Variants in ALK observed in about 807,000 individuals in gnomAD.
ALK encodes the protein ALK receptor tyrosine kinase, also known as ALK tyrosine kinase receptor.
A neutral mutation model predicts 163.1 loss-of-function variants in ALK; 74 were observed. The ratio of observed to expected loss-of-function variants is 0.45; its 90% confidence interval spans 0.38 to 0.55. The LOEUF is 0.55. Ranked by LOEUF, ALK falls within the 20% of genes least tolerant of loss-of-function variation. ALK has a pLI of 0.00. For missense variants in ALK, 2,063 were observed against 2,105.3 expected (o/e 0.98, Z 0.39); for synonymous variants, 960 against 843.2 (o/e 1.14, Z -2.40).
intron 5 of ALK, among the ~76,000 whole-genome samples, chr2:29,338,580 G>T (rs754654964): frequency 6.6e-6 from 1 of 152,170 alleles, no homozygotes; most frequent in African/African-American, 2.4e-5. Flanking sequence ...AGAAAGACAC[G>T]CATCTCCCTC....
chr2:29,512,728 T>A (rs1311573501), intron 4 of ALK, among the ~76,000 whole-genome samples: 1 of 149,762 alleles, frequency 6.7e-6, no homozygotes, highest in African/African-American at 2.5e-5. Context: ...GCAGACGACA[T>A]GATTGTATAT....
chr2:29,281,000 G>A (rs181012623), intron 9 of ALK, among the ~76,000 whole-genome samples: 9 of 152,104 alleles, frequency 5.9e-5, no homozygotes, highest in African/African-American at 2.2e-4. Context: ...TGTACCAGGT[G>A]ATCCATTCTG....
intron 2 of ALK, among the ~76,000 whole-genome samples, chr2:29,708,228 C>T (rs1438026431): frequency 2.6e-5 from 4 of 152,056 alleles, no homozygotes; most frequent in Non-Finnish European, 5.9e-5. Flanking sequence ...CCACCATGCC[C>T]GGCTAATTTT....
intron 11 of ALK, 111 bp downstream of exon 11, chr2:29,274,988 G>C (rs552484612): frequency 7.1e-7 from 1 of 1,413,640 alleles, no homozygotes; most frequent in South Asian, 1.2e-5. Flanking sequence ...TCCTTCTAAA[G>C]ACTGTTTCAT....
rs1301115684 is a variant in ALK, at chr2:29,375,319, TTTTA to T, written c.1282+8409_1282+8412del. On this transcript the variant is annotated intron_variant, in intron 5 of 28. Transcript: ENST00000389048. ...TATCCCTATTTTATTTTATTTTTAT[TTTTA>T]TTTATTTATTTTTTTGAGACGGAGT... is the stretch of plus-strand genomic sequence containing the variant. Among the ~76,000 whole-genome samples, 12 of 152,230 alleles carry T rather than the reference TTTTA, an allele frequency of 7.9e-5. No individual in the cohort carries two copies. In the East Asian group the frequency reaches 1.5e-3, roughly 20 times the overall value.
chr2:29,587,931 T>C (rs1385758423), intron 3 of ALK, among the ~76,000 whole-genome samples: 1 of 152,138 alleles, frequency 6.6e-6, no homozygotes, highest in Non-Finnish European at 1.5e-5. Context: ...AGGCCAACTT[T>C]CCCTGCATCT....
At chr2:29,539,898 C>T (rs1673367821) in intron 3 of ALK, among the ~76,000 whole-genome samples, 1 of 152,054 alleles carries the variant, frequency 6.6e-6, no homozygotes, top group Non-Finnish European at 1.5e-5. Flanking sequence ...AAAATTAAAA[C>T]ATTTAGTTTT....
intron 9 of ALK, among the ~76,000 whole-genome samples, chr2:29,288,566 A>T (rs1472411598): frequency 2.6e-5 from 4 of 152,198 alleles, no homozygotes; most frequent in African/African-American, 9.6e-5. Context: ...GTGTGATAAC[A>T]CCTGCTGCCT....
Position 29,920,841 on chromosome 2 carries a change from G to A in ALK, c.-182C>T. The A allele has an allele frequency of 1.6e-6, 1 of 619,066 alleles. No homozygotes were observed. 38.3% of individuals were successfully genotyped at this position (619,066 alleles called of 1,614,324 possible). ...CCCAACTGCACGGAGGCGAGCAGGA[G>A]TCTAAATGAAACAGACCTGGAAGCT... On this transcript the variant is annotated 5_prime_UTR_variant, in exon 1 of 29. Coordinates refer to ENST00000389048, the MANE Select transcript of ALK (RefSeq NM_004304.5).
At chr2:29,396,859 T>TTTTTTTTTC in intron 4 of ALK, among the ~76,000 whole-genome samples, 1 of 146,554 alleles carries the variant, frequency 6.8e-6, no homozygotes, top group Admixed American at 6.9e-5. Context: ...TTTTTTTTTT[T>TTTTTTTTTC]TGCTACTTGG....
intron 1 of ALK, among the ~76,000 whole-genome samples, chr2:29,764,759 T>C (rs1372125557): frequency 6.6e-6 from 1 of 152,238 alleles, no homozygotes; most frequent in Non-Finnish European, 1.5e-5. Flanking sequence ...TGCTATATCA[T>C]GTTAAAATCC....
At chr2:29,292,961 A>G (rs958363869) in intron 9 of ALK, among the ~76,000 whole-genome samples, 3 of 152,306 alleles carry the variant, frequency 2.0e-5, no homozygotes, top group South Asian at 2.1e-4. Context: ...GCACAACTCT[A>G]GTTCTCTCTA....
intron 1 of ALK, among the ~76,000 whole-genome samples, chr2:29,825,892 G>A (rs554559883): frequency 6.6e-6 from 1 of 152,180 alleles, no homozygotes; most frequent in Admixed American, 6.5e-5. Context: ...CAACAAAAAG[G>A]GCAATTGGAT....
intron 1 of ALK, among the ~76,000 whole-genome samples, chr2:29,806,942 T>C (rs1011606592): frequency 6.6e-6 from 1 of 152,216 alleles, no homozygotes; most frequent in African/African-American, 2.4e-5. Flanking sequence ...AAAACATAGA[T>C]GTGTGCGCAC....
chr2:29,774,766 G>A (rs1681125187), intron 1 of ALK, among the ~76,000 whole-genome samples: 1 of 152,070 alleles, frequency 6.6e-6, no homozygotes, highest in South Asian at 2.1e-4. Context: ...AGACAAAGAT[G>A]GATACTGACA....
intron 1 of ALK, among the ~76,000 whole-genome samples, chr2:29,836,958 A>C (rs1177603546): frequency 2.6e-5 from 4 of 152,220 alleles, no homozygotes; most frequent in Non-Finnish European, 5.9e-5. Context: ...TGAAACTAAA[A>C]AATATTCATA....
chr2:29,768,867 T>C (rs977969615), intron 1 of ALK, among the ~76,000 whole-genome samples: 1 of 151,938 alleles, frequency 6.6e-6, no homozygotes, highest in Non-Finnish European at 1.5e-5. Flanking sequence ...AGGGTCTCAC[T>C]CTGTCACCCA....
At chr2:29,603,804 C>T (rs910492189) in intron 3 of ALK, among the ~76,000 whole-genome samples, 3 of 152,124 alleles carry the variant, frequency 2.0e-5, no homozygotes, top group African/African-American at 7.2e-5. Flanking sequence ...TCAGTTTGAG[C>T]TTATGATTCC....
intron 4 of ALK, among the ~76,000 whole-genome samples, chr2:29,461,911 G>C (rs927705494): frequency 3.3e-5 from 5 of 152,142 alleles, no homozygotes; most frequent in Admixed American, 6.6e-5. Flanking sequence ...CATTCTAGGT[G>C]TCATTAAGAA....
Sources: allele counts gnomAD v4.1 joint callset (sites outside exome capture counted in the v4.1 genomes callset), GRCh38; gene constraint gnomAD v4.1.1; transcripts MANE v1.5; gene names NCBI Gene and HGNC (gene_info 2026-07-23, HGNC 2026-07-21).